Variants in GRM7 observed in about 807,000 individuals in gnomAD.
GRM7 encodes glutamate metabotropic receptor 7.
In GRM7, 35 loss-of-function variants were observed where a neutral mutation model predicts 84.5. The ratio of observed to expected loss-of-function variants is 0.41; its 90% confidence interval spans 0.32 to 0.55. GRM7 has a LOEUF of 0.55. Among genes scored for constraint, GRM7 ranks in the 20% least tolerant of loss-of-function variants. The pLI is 0.19. For missense variants in GRM7, 1,003 were observed against 1,194.6 expected (o/e 0.84, Z 2.36); for synonymous variants, 487 against 455.1 (o/e 1.07, Z -0.89).
At chr3:6,996,300 G>A (rs1007816177) in intron 1 of GRM7, among the ~76,000 whole-genome samples, 2 of 152,098 alleles carry the variant, frequency 1.3e-5, no homozygotes, top group African/African-American at 2.4e-5. Flanking sequence ...CACCTGCTTC[G>A]GTCTCCCAAA....
At chr3:7,316,546 A>G (rs901695225) in intron 4 of GRM7, among the ~76,000 whole-genome samples, 2 of 152,162 alleles carry the variant, frequency 1.3e-5, no homozygotes, top group African/African-American at 4.8e-5. Context: ...GCTAAAGTCA[A>G]TAGGGATTTA....
intron 2 of GRM7, among the ~76,000 whole-genome samples, chr3:7,182,475 C>A (rs946159681): frequency 6.6e-6 from 1 of 151,840 alleles, no homozygotes; most frequent in African/African-American, 2.4e-5. Flanking sequence ...TTTAACTTTC[C>A]TTTCTCTCAA....
At chr3:7,170,886 C>A (rs1399365557) in intron 2 of GRM7, among the ~76,000 whole-genome samples, 1 of 152,170 alleles carries the variant, frequency 6.6e-6, no homozygotes, top group Non-Finnish European at 1.5e-5. Context: ...CCATTCATTT[C>A]CTCCTGGTCC....
chr3:7,704,262 C>T (rs1030286503), intron 9 of GRM7, among the ~76,000 whole-genome samples: 4 of 152,106 alleles, frequency 2.6e-5, no homozygotes, highest in East Asian at 1.9e-4. Flanking sequence ...GTATTTTCAA[C>T]GTTTTAAAAT....
At chr3:7,022,908 G>A (rs1319792891) in intron 1 of GRM7, among the ~76,000 whole-genome samples, 3 of 152,146 alleles carry the variant, frequency 2.0e-5, no homozygotes, top group African/African-American at 7.2e-5. Context: ...GCAGGCAGTA[G>A]TCAGAGTAAT....
intron 7 of GRM7, among the ~76,000 whole-genome samples, chr3:7,516,103 C>T (rs111710042): frequency 1.6e-4 from 23 of 145,298 alleles, no homozygotes; most frequent in African/African-American, 4.6e-4. Flanking sequence ...AGGTAGAGCC[C>T]GCAGTGAGTG....
intron 1 of GRM7, among the ~76,000 whole-genome samples, chr3:7,092,026 TGAGATGGAA>T (rs1698682892): frequency 6.6e-6 from 1 of 152,072 alleles, no homozygotes; most frequent in Admixed American, 6.5e-5. Context: ...TTTAATATTT[TGAGATGGAA>T]TCTCACTCTG....
At chr3:7,606,969 T>C (rs906037999) in intron 8 of GRM7, 1 of 152,158 alleles carries the variant, frequency 6.6e-6, no homozygotes, top group Admixed American at 6.5e-5. Flanking sequence ...CAGATGAAGA[T>C]ATTAGTCAGT....
chr3:7,504,229 C>G (rs1386495755), intron 7 of GRM7, among the ~76,000 whole-genome samples: 2 of 152,102 alleles, frequency 1.3e-5, no homozygotes, highest in East Asian at 1.9e-4. Flanking sequence ...TAAGGAGAGA[C>G]CAGGGCACAT....
rs562629134 is a variant in GRM7 at position 7,596,310 on chromosome 3, T to C, written c.2451+16953T>C. Among the ~76,000 whole-genome samples the C allele has an allele frequency of 1.1e-4, 17 of 152,200 alleles. 1 individual carries two copies. The highest frequency in any genetic ancestry group is 3.4e-4 in the African/African-American group (14 of 41,518). ...GAGGCAACTTCGGACACAGTAACAC[T>C]GAGATGCTTATGAACGGTGGTGAAG... On this transcript the variant is annotated intron_variant, in intron 8 of 9. Transcript: ENST00000357716.
intron 8 of GRM7, among the ~76,000 whole-genome samples, chr3:7,625,697 G>A (rs1025081898): frequency 6.6e-6 from 1 of 152,086 alleles, no homozygotes; most frequent in African/African-American, 2.4e-5. Context: ...AAAGAATCAG[G>A]GACAGAAGAA....
chr3:7,202,120 TA>T (rs1346419962), intron 2 of GRM7, among the ~76,000 whole-genome samples: 1 of 152,176 alleles, frequency 6.6e-6, no homozygotes, highest in African/African-American at 2.4e-5. Flanking sequence ...AAAAAGTCTA[TA>T]GTCATCTTGT....
chr3:7,247,481 C>T (rs1697809169), intron 2 of GRM7, among the ~76,000 whole-genome samples: 1 of 151,582 alleles, frequency 6.6e-6, no homozygotes, highest in Admixed American at 6.6e-5. Flanking sequence ...CACCTGTAGT[C>T]CTACCTACTT....
chr3:6,991,146 C>A (rs1045401926), intron 1 of GRM7, among the ~76,000 whole-genome samples: 1 of 152,126 alleles, frequency 6.6e-6, no homozygotes, highest in Non-Finnish European at 1.5e-5. Context: ...TTAGTTTACT[C>A]CCATTGTGCA....
At position 7,689,716 on chromosome 3, in the gene GRM7, T is replaced by A. The variant is rs547027051; in HGVS notation, c.2698+9421T>A. Among the ~76,000 whole-genome samples, 34 of 152,306 alleles carry A rather than the reference T, an allele frequency of 2.2e-4. 1 individual carries two copies. The highest frequency in any genetic ancestry group is 7.7e-4 in the African/African-American group (32 of 41,570). On this transcript the variant is annotated intron_variant, in intron 9 of 9. Transcript: ENST00000357716. ...GAAATGTACACATCATATCTCAAAGTCACAAAAACTATGTCAAGTTTTACA... is the reference window on the plus strand; with the variant it reads ...GAAATGTACACATCATATCTCAAAGACACAAAAACTATGTCAAGTTTTACA...
intron 7 of GRM7, among the ~76,000 whole-genome samples, chr3:7,559,597 C>A (rs957353760): frequency 6.6e-6 from 1 of 151,974 alleles, no homozygotes; most frequent in East Asian, 1.9e-4. Context: ...TATATCCTGG[C>A]CAAAAGAGCA....
At chr3:6,901,603 C>CAAAAAAAAAAAAAAAAAAAAA (rs1160836530) in intron 1 of GRM7, among the ~76,000 whole-genome samples, 1 of 19,330 alleles carries the variant, frequency 5.2e-5, no homozygotes, top group East Asian at 2.5e-3. Context: ...AAGACTCCGT[C>CAAAAAAAAAAAAAAAAAAAAA]TAAAAAAAAA....
intron 2 of GRM7, among the ~76,000 whole-genome samples, chr3:7,190,221 G>A (rs1374096168): frequency 1.3e-5 from 2 of 152,122 alleles, no homozygotes; most frequent in Non-Finnish European, 2.9e-5. Context: ...GTCTTATTTA[G>A]TATGCGCAGT....
At chr3:7,650,736 G>C (rs1410100165) in intron 8 of GRM7, among the ~76,000 whole-genome samples, 1 of 152,104 alleles carries the variant, frequency 6.6e-6, no homozygotes, top group Non-Finnish European at 1.5e-5. Flanking sequence ...TATTTATTTA[G>C]AGATGGAGTC....
Sources: gnomAD v4.1 joint callset for allele counts (sites outside exome capture counted in the v4.1 genomes callset) on GRCh38, gnomAD v4.1.1 for gene constraint, MANE v1.5 for transcripts, NCBI Gene and HGNC (gene_info 2026-07-23, HGNC 2026-07-21) for gene names.